Variants in ZNF654 observed in about 807,000 individuals in gnomAD.
ZNF654 encodes zinc finger protein 654.
ZNF654 carries 19 observed loss-of-function variants against 95.3 expected under a neutral mutation model. That is an observed-to-expected ratio of 0.20 (90% CI 0.14 to 0.29). The LOEUF (loss-of-function observed/expected upper bound fraction) is 0.29, where lower values mean the gene tolerates loss of function less well. Among genes scored for constraint, ZNF654 ranks in the 10% least tolerant of loss-of-function variants. ZNF654 has a pLI of 1.00. For missense variants in ZNF654, 1,046 were observed against 1,341.0 expected (o/e 0.78, Z 3.44); for synonymous variants, 413 against 457.9 (o/e 0.90, Z 1.25).
chr3:88,118,986 AG>A (rs1705586623), intron 3 of ZNF654, among the ~76,000 whole-genome samples: 1 of 149,678 alleles, frequency 6.7e-6, no homozygotes, highest in Non-Finnish European at 1.5e-5. Flanking sequence ...GCGATTCCTC[AG>A]GGATCTAGAA....
At chr3:88,096,438 A>G (rs1704064530) in intron 2 of ZNF654, among the ~76,000 whole-genome samples, 1 of 152,104 alleles carries the variant, frequency 6.6e-6, no homozygotes, top group Non-Finnish European at 1.5e-5. Flanking sequence ...AAGGGGAGAA[A>G]GACCCTCATT....
intron 3 of ZNF654, among the ~76,000 whole-genome samples, chr3:88,117,562 G>T (rs1193322773): frequency 1.3e-5 from 2 of 152,132 alleles, no homozygotes; most frequent in East Asian, 3.9e-4. Context: ...TCAAAATAAA[G>T]AATTTACAAA....
Position 88,143,392 on chromosome 3 carries a change from T to C in ZNF654, c.*1740T>C, listed in dbSNP as rs1178692678. 6.6e-6 allele frequency: 1 copy of C among 152,266 alleles called. No homozygotes were observed. The highest frequency in any genetic ancestry group is 1.5e-5 in the Non-Finnish European group (1 of 67,738). 9.4% of individuals were successfully genotyped at this position (152,266 alleles called of 1,614,324 possible). On this transcript the variant is annotated 3_prime_UTR_variant, in exon 9 of 9. Coordinates refer to ENST00000636215, the MANE Select transcript of ZNF654 (RefSeq NM_001350134.2). ...AACACAGCTCATAATTAAAATCTTT[T>C]CTTTAAGGTCAGCTAAAAAAAATGT...
rs1559741326 is a variant in ZNF654, at chr3:88,143,014, C to CA, written c.*1367dup. On this transcript the variant is annotated 3_prime_UTR_variant, in exon 9 of 9. Transcript: ENST00000636215. Reference sequence around the variant, plus strand: ...AAATCTAAAACAGGGATTAAAATAACAAAAAGGCAGTGTTTCAAAACAGAT... The same window carrying CA: ...AAATCTAAAACAGGGATTAAAATAACAAAAAAGGCAGTGTTTCAAAACAGAT... 6.6e-6 allele frequency: 1 copy of CA among 152,072 alleles called. No individual in the cohort carries two copies. The highest frequency in any genetic ancestry group is 6.6e-5 in the Admixed American group (1 of 15,206). 9.4% of individuals were successfully genotyped at this position (152,072 alleles called of 1,614,324 possible).
chr3:88,062,134 A>G (rs1347770789), intron 1 of ZNF654, among the ~76,000 whole-genome samples: 1 of 152,184 alleles, frequency 6.6e-6, no homozygotes, highest in Non-Finnish European at 1.5e-5. Context: ...AGCTGACTCA[A>G]TAAATGCTTA....
At chr3:88,068,486 T>C (rs1188823822) in intron 1 of ZNF654, among the ~76,000 whole-genome samples, 1 of 152,204 alleles carries the variant, frequency 6.6e-6, no homozygotes, top group Non-Finnish European at 1.5e-5. Context: ...GTACAGGTTG[T>C]TAATATGTAT....
At chr3:88,141,199 C>G (rs1208160142) in intron 8 of ZNF654, 151 bp downstream of exon 8, 13 of 861,756 alleles carry the variant, frequency 1.5e-5, no homozygotes, top group Non-Finnish European at 2.1e-5. Context: ...TTAATACATA[C>G]AACCACTATG....
chr3:88,119,418 G>C (rs1390650769), intron 3 of ZNF654, among the ~76,000 whole-genome samples: 6 of 138,426 alleles, frequency 4.3e-5, no homozygotes, highest in African/African-American at 1.6e-4. Flanking sequence ...GGGAGGGATA[G>C]CATTGGGAGA....
intron 1 of ZNF654, among the ~76,000 whole-genome samples, chr3:88,084,120 G>A (rs1708223275): frequency 6.6e-6 from 1 of 152,112 alleles, no homozygotes; most frequent in Admixed American, 6.5e-5. Context: ...TGGAGGTGTT[G>A]CCCACAAGGA....
intron 2 of ZNF654, among the ~76,000 whole-genome samples, chr3:88,108,439 C>T (rs1704878888): frequency 6.6e-6 from 1 of 152,148 alleles, no homozygotes; most frequent in African/African-American, 2.4e-5. Context: ...ACAATAGTCT[C>T]CCCTCATCTG....
chr3:88,138,420 C>T (rs1706930714), intron 7 of ZNF654, among the ~76,000 whole-genome samples: 1 of 147,246 alleles, frequency 6.8e-6, no homozygotes, highest in Non-Finnish European at 1.5e-5. Context: ...GTTTATGAAT[C>T]ACCATAAGTC....
rs1706978852 is a variant in ZNF654, at chr3:88,139,283, A to G, written c.1614A>G (p.Val538=). ...KNLTALSTSK[V]DHNVPRHRCM... is the part of the protein sequence containing the mutation. Reference sequence around the variant, plus strand: ...TTACAGCTCTCAGTACTTCCAAAGTAGATCACAATGTCCCAAGGCATCGTT... The same window carrying G: ...TTACAGCTCTCAGTACTTCCAAAGTGGATCACAATGTCCCAAGGCATCGTT... Residue 538 remains valine, a synonymous_variant, in exon 8 of 9, where the codon GTA becomes GTG. Coordinates refer to ENST00000636215, the MANE Select transcript of ZNF654 (RefSeq NM_001350134.2). 1 of 1,562,036 alleles carries G rather than the reference A, an allele frequency of 6.4e-7. No homozygotes were observed. The highest frequency in any genetic ancestry group is 1.4e-5 in the African/African-American group (1 of 72,778).
At chr3:88,071,001 C>T (rs760633758) in intron 1 of ZNF654, among the ~76,000 whole-genome samples, 2 of 151,962 alleles carry the variant, frequency 1.3e-5, no homozygotes, top group African/African-American at 2.4e-5. Context: ...AGATATAAAA[C>T]GTAGGTAGAG....
intron 1 of ZNF654, among the ~76,000 whole-genome samples, chr3:88,072,694 T>C (rs1179835491): frequency 1.3e-5 from 2 of 152,194 alleles, no homozygotes; most frequent in African/African-American, 4.8e-5. Flanking sequence ...TTTATTAATA[T>C]TATATTTAAA....
chr3:88,129,152 T>C, intron 5 of ZNF654, 141 bp downstream of exon 5: 1 of 614,396 alleles, frequency 1.6e-6, no homozygotes, highest in South Asian at 2.5e-5. Context: ...CTGGATGTGT[T>C]TTCTTTTGGC....
intron 7 of ZNF654, among the ~76,000 whole-genome samples, chr3:88,137,605 CT>C (rs1706876223): frequency 1.3e-5 from 2 of 152,080 alleles, no homozygotes; most frequent in South Asian, 4.2e-4. Context: ...ATAAGTTATT[CT>C]TGGTGGAAAG....
At chr3:88,074,947 G>A (rs560751577) in intron 1 of ZNF654, among the ~76,000 whole-genome samples, 1 of 152,186 alleles carries the variant, frequency 6.6e-6, no homozygotes, top group Admixed American at 6.5e-5. Context: ...CTCATCAAGT[G>A]TTTAATTGTG....
chr3:88,115,387 G>A (rs915824468), intron 3 of ZNF654, among the ~76,000 whole-genome samples: 1 of 152,154 alleles, frequency 6.6e-6, no homozygotes, highest in Non-Finnish European at 1.5e-5. Flanking sequence ...TTGTAAAATG[G>A]AGGCAATAAC....
At chr3:88,095,995 C>T in intron 2 of ZNF654, 1 of 222,448 alleles carries the variant, frequency 4.5e-6, no homozygotes, top group Non-Finnish European at 8.8e-6. Flanking sequence ...ACCTGAAGGA[C>T]TAAGGCCACT....
Sources: allele counts gnomAD v4.1 joint callset (sites outside exome capture counted in the v4.1 genomes callset), GRCh38; gene constraint gnomAD v4.1.1; transcripts MANE v1.5; gene names NCBI Gene and HGNC (gene_info 2026-07-23, HGNC 2026-07-21).